The following CNTN4 variants were observed in gnomAD, a reference collection of about 807,000 sequenced individuals.
The protein encoded by CNTN4 is contactin-4.
CNTN4 carries 77 observed loss-of-function variants against 122.5 expected under a neutral mutation model. That is an observed-to-expected ratio of 0.63 (90% CI 0.52 to 0.76). The LOEUF (loss-of-function observed/expected upper bound fraction) is 0.76. CNTN4 is among the 30% of genes least tolerant of loss of function. The pLI is 0.00. For synonymous variants in CNTN4, 512 were observed against 447.0 expected (o/e 1.15, Z -1.83); for missense variants, 1,256 against 1,259.1 (o/e 1.00, Z 0.04).
chr3:2,627,722 TG>T (rs542101488), intron 4 of CNTN4, among the ~76,000 whole-genome samples: 229 of 152,202 alleles, frequency 1.5e-3, no homozygotes, highest in African/African-American at 5.1e-3. Flanking sequence ...CTCGATCTCC[TG>T]ACCTTGTGAT....
At chr3:2,294,661 G>C (rs1188604378) in intron 2 of CNTN4, among the ~76,000 whole-genome samples, 1 of 152,042 alleles carries the variant, frequency 6.6e-6, no homozygotes, top group African/African-American at 2.4e-5. Flanking sequence ...AGAATAGGCT[G>C]TCTCTAATTC....
At chr3:2,644,263 C>T (rs1318256487) in intron 4 of CNTN4, among the ~76,000 whole-genome samples, 1 of 152,296 alleles carries the variant, frequency 6.6e-6, no homozygotes, top group Non-Finnish European at 1.5e-5. Flanking sequence ...CAACTCCCAT[C>T]GCCGAGTTTT....
At chr3:2,777,945 T>A (rs114880120) in intron 6 of CNTN4, among the ~76,000 whole-genome samples, 137 of 152,232 alleles carry the variant, frequency 9.0e-4, no homozygotes, top group Admixed American at 2.8e-3. Context: ...CTGGGTGCGG[T>A]GGCTCATGCC....
intron 2 of CNTN4, among the ~76,000 whole-genome samples, chr3:2,337,197 G>T (rs1160230107): frequency 6.6e-6 from 1 of 152,100 alleles, no homozygotes; most frequent in Non-Finnish European, 1.5e-5. Context: ...CCTGATAAAT[G>T]CATTCATGAT....
intron 16 of CNTN4, among the ~76,000 whole-genome samples, chr3:3,033,983 C>A (rs1323697144): frequency 6.6e-6 from 1 of 152,148 alleles, no homozygotes; most frequent in Non-Finnish European, 1.5e-5. Context: ...TTTGAAATTG[C>A]TTTGAAGAAG....
intron 7 of CNTN4, among the ~76,000 whole-genome samples, chr3:2,823,765 T>C (rs76139467): frequency 0.012 from 1,789 of 152,272 alleles, 33 homozygotes; most frequent in African/African-American, 0.041. Context: ...TCTAGTTTAT[T>C]CCTCAATAAA....
chr3:2,535,162 G>A (rs937002967), intron 3 of CNTN4, among the ~76,000 whole-genome samples: 5 of 152,036 alleles, frequency 3.3e-5, no homozygotes, highest in Admixed American at 6.6e-5. Flanking sequence ...CTAGTTGCCC[G>A]TAAGATGCCT....
intron 4 of CNTN4, among the ~76,000 whole-genome samples, chr3:2,668,806 C>T (rs929431968): frequency 7.9e-5 from 12 of 152,120 alleles, no homozygotes; most frequent in Non-Finnish European, 1.8e-4. Flanking sequence ...GCATGAAGGG[C>T]TGTTGAATTT....
chr3:2,804,761 C>T (rs954650617), intron 6 of CNTN4, among the ~76,000 whole-genome samples: 2 of 108,036 alleles, frequency 1.9e-5, no homozygotes, highest in African/African-American at 6.9e-5. Flanking sequence ...CAAGGTCTCT[C>T]TGTGTTACCC....
At chr3:2,214,359 G>C (rs1195965629) in intron 2 of CNTN4, among the ~76,000 whole-genome samples, 1 of 152,130 alleles carries the variant, frequency 6.6e-6, no homozygotes, top group African/African-American at 2.4e-5. Flanking sequence ...ATAGTGACCA[G>C]TTTCAAATAT....
At chr3:2,277,711 C>A (rs2041568780) in intron 2 of CNTN4, among the ~76,000 whole-genome samples, 1 of 152,130 alleles carries the variant, frequency 6.6e-6, no homozygotes, top group Admixed American at 6.6e-5. Context: ...CTCTTCTCTT[C>A]CTCCTGGTTT....
In CNTN4 at chr3:2,591,396, G is replaced by A. The variant is rs565347202; in HGVS notation, c.55+19838G>A. ...TTTTTTTTTTTTGAGACGGAGTCTC[G>A]CTCTGTCGCCCAGGCTGGAGTGCAG... On this transcript the variant is annotated intron_variant, in intron 4 of 24. Transcript: ENST00000418658. Among the ~76,000 whole-genome samples the A allele has an allele frequency of 5.2e-5, 4 of 76,638 alleles. 1 individual carries two copies. Among genetic ancestry groups the A allele is most frequent in the Admixed American group, 3.9e-4 (2 of 5,098 alleles). The allele number at this position is 76,638 out of a possible 152,430, so 50.3% of individuals were successfully genotyped here.
intron 3 of CNTN4, among the ~76,000 whole-genome samples, chr3:2,523,617 G>A (rs991671197): frequency 2.6e-5 from 4 of 151,962 alleles, no homozygotes; most frequent in African/African-American, 9.7e-5. Context: ...CTTGAAAAAG[G>A]TTACCCTCTG....
intron 3 of CNTN4, among the ~76,000 whole-genome samples, chr3:2,444,755 C>T (rs2048559019): frequency 6.6e-6 from 1 of 151,366 alleles, no homozygotes; most frequent in South Asian, 2.1e-4. Context: ...GGCTGGCTGG[C>T]TGGCTGGTCA....
chr3:2,631,800 G>T (rs1034813616), intron 4 of CNTN4, among the ~76,000 whole-genome samples: 1 of 145,964 alleles, frequency 6.9e-6, no homozygotes, highest in African/African-American at 2.6e-5. Context: ...AGGCCAAGAT[G>T]GGAAAATCAC....
chr3:2,225,105 C>T lies in CNTN4; in HGVS notation c.-144-114073C>T, dbSNP rs537358346. Among the ~76,000 whole-genome samples, 61 of 150,992 alleles carry T rather than the reference C, an allele frequency of 4.0e-4. 1 individual carries two copies. The highest frequency in any genetic ancestry group is 9.9e-4 in the Admixed American group (15 of 15,162). On this transcript the variant is annotated intron_variant, in intron 2 of 24. Coordinates refer to ENST00000418658, the MANE Select transcript of CNTN4 (RefSeq NM_175607.3). ...GTAGAGCTTGCAAGTGAGCCGAGAT[C>T]GCACCACTGCACTCCAGCCTGGGCG... is the stretch of plus-strand genomic sequence containing the variant.
At chr3:2,253,185 C>T (rs1017557281) in intron 2 of CNTN4, among the ~76,000 whole-genome samples, 5 of 151,952 alleles carry the variant, frequency 3.3e-5, no homozygotes, top group South Asian at 2.1e-4. Context: ...TACTTTGTGC[C>T]GTGTAGTTAT....
At chr3:2,671,359 C>T (rs544579249) in intron 4 of CNTN4, among the ~76,000 whole-genome samples, 2 of 152,302 alleles carry the variant, frequency 1.3e-5, no homozygotes, top group Admixed American at 6.5e-5. Flanking sequence ...ATCACTGATA[C>T]CCTTTCTTCC....
At chr3:2,281,793 C>G (rs1473701442) in intron 2 of CNTN4, among the ~76,000 whole-genome samples, 1 of 152,080 alleles carries the variant, frequency 6.6e-6, no homozygotes, top group Non-Finnish European at 1.5e-5. Flanking sequence ...TGTTATTTCT[C>G]TGCTCGTCTA....
Sources: allele counts gnomAD v4.1 joint callset (sites outside exome capture counted in the v4.1 genomes callset), GRCh38; gene constraint gnomAD v4.1.1; transcripts MANE v1.5; gene names NCBI Gene and HGNC (gene_info 2026-07-23, HGNC 2026-07-21).